The following CTNND2 variants were observed in gnomAD, a reference collection of about 807,000 sequenced individuals.
CTNND2 encodes catenin delta-2.
Under a neutral mutation model 144.4 loss-of-function variants are expected in CTNND2, and 22 were observed. The ratio of observed to expected loss-of-function variants is 0.15; its 90% CI spans 0.11 to 0.22. CTNND2 has a LOEUF of 0.22. Ranked by LOEUF, CTNND2 falls within the 10% of genes least tolerant of loss-of-function variation. CTNND2 has a pLI of 1.00. For synonymous variants in CTNND2, 751 were observed against 695.6 expected (o/e 1.08, Z -1.25); for missense variants, 1,353 against 1,618.8 (o/e 0.84, Z 2.82).
At chr5:11,152,898 G>A (rs1224089508) in intron 12 of CTNND2, among the ~76,000 whole-genome samples, 2 of 152,144 alleles carry the variant, frequency 1.3e-5, no homozygotes, top group East Asian at 1.9e-4. Flanking sequence ...GGTGGAGTGG[G>A]GTGAGTGGTG....
intron 3 of CTNND2, among the ~76,000 whole-genome samples, chr5:11,531,535 A>G (rs930870718): frequency 2.6e-5 from 4 of 152,164 alleles, no homozygotes; most frequent in Admixed American, 2.6e-4. Context: ...CTGAGGCAGA[A>G]TAATCACTTG....
intron 2 of CTNND2, among the ~76,000 whole-genome samples, chr5:11,636,076 T>A (rs1305547942): frequency 8.2e-6 from 1 of 121,668 alleles, no homozygotes; most frequent in Non-Finnish European, 1.6e-5. Flanking sequence ...GTAACTTGAA[T>A]GGAATTTTAG....
At chr5:11,717,358 G>C (rs376642098) in intron 2 of CTNND2, among the ~76,000 whole-genome samples, 9 of 151,444 alleles carry the variant, frequency 5.9e-5, no homozygotes, top group South Asian at 2.1e-4. Flanking sequence ...TGGATCACCT[G>C]AAGTCAAGAC....
Position 11,892,141 on chromosome 5 carries a change from G to A in CTNND2, c.37+11676C>T, listed in dbSNP as rs180708701. ...CCTTACATTGTGTCTATATTTTTAA[G>A]CCCAGAATGCACATGCAGCTTAGCT... On this transcript the variant is annotated intron_variant, in intron 1 of 21. Coordinates refer to ENST00000304623, the MANE Select transcript of CTNND2 (RefSeq NM_001332.4). Among the ~76,000 whole-genome samples the A allele has an allele frequency of 6.6e-3, 1,009 of 152,256 alleles. 12 individuals are homozygous for A. The highest frequency in any genetic ancestry group is 0.023 in the African/African-American group (964 of 41,538).
At chr5:11,407,085 C>T (rs530475090) in intron 5 of CTNND2, among the ~76,000 whole-genome samples, 2 of 152,086 alleles carry the variant, frequency 1.3e-5, no homozygotes, top group Non-Finnish European at 2.9e-5. Context: ...GATATAATCA[C>T]CTTTATTTCT....
Position 11,793,436 on chromosome 5 carries a change from C to T in CTNND2, c.38-61164G>A, listed in dbSNP as rs530474935. Among the ~76,000 whole-genome samples, 89 of 152,252 alleles carry T rather than the reference C, an allele frequency of 5.8e-4. 1 individual carries two copies. The highest frequency in any genetic ancestry group is 3.4e-3 in the Middle Eastern group (1 of 294). Reference sequence around the variant, plus strand: ...TAACCCCCAATACCTCAGAATGTGACCCTATTTGGAAATAGGATTGTTGCA... The same window carrying T: ...TAACCCCCAATACCTCAGAATGTGATCCTATTTGGAAATAGGATTGTTGCA... On this transcript the variant is annotated intron_variant, in intron 1 of 21. Coordinates refer to ENST00000304623, the MANE Select transcript of CTNND2 (RefSeq NM_001332.4).
chr5:11,013,166 G>A (rs774001773), intron 18 of CTNND2, among the ~76,000 whole-genome samples: 22 of 152,248 alleles, frequency 1.4e-4, no homozygotes, highest in South Asian at 8.3e-4. Context: ...GCCCACAGAG[G>A]AATCCGTAAG....
intron 1 of CTNND2, among the ~76,000 whole-genome samples, chr5:11,771,894 T>C (rs1789964629): frequency 6.6e-6 from 1 of 152,198 alleles, no homozygotes; most frequent in Non-Finnish European, 1.5e-5. Context: ...CTGAAAATGT[T>C]CACTCTGGGT....
intron 9 of CTNND2, among the ~76,000 whole-genome samples, chr5:11,314,354 A>C (rs1322826899): frequency 6.6e-6 from 1 of 152,048 alleles, no homozygotes; most frequent in Non-Finnish European, 1.5e-5. Context: ...GGACCCTAAA[A>C]GTCTTCTTCC....
chr5:11,825,568 A>C (rs1581959221), intron 1 of CTNND2, among the ~76,000 whole-genome samples: 1 of 152,150 alleles, frequency 6.6e-6, no homozygotes, highest in Admixed American at 6.5e-5. Flanking sequence ...TAAATCAAGA[A>C]GAGACAACAA....
chr5:11,174,927 C>T (rs908661932), intron 11 of CTNND2, among the ~76,000 whole-genome samples: 6 of 152,154 alleles, frequency 3.9e-5, no homozygotes, highest in African/African-American at 9.7e-5. Flanking sequence ...GGTAAAATTA[C>T]AAAACTGATA....
chr5:11,207,454 T>C (rs1234742056), intron 10 of CTNND2, among the ~76,000 whole-genome samples: 1 of 152,126 alleles, frequency 6.6e-6, no homozygotes, highest in Non-Finnish European at 1.5e-5. Flanking sequence ...TACATATAGT[T>C]AGTACCATAC....
At chr5:10,992,209 C>T (rs531229853) in intron 19 of CTNND2, among the ~76,000 whole-genome samples, 2 of 152,226 alleles carry the variant, frequency 1.3e-5, no homozygotes, top group Admixed American at 6.5e-5. Flanking sequence ...TGAGCCACCT[C>T]GCCAGGCCAA....
intron 9 of CTNND2, among the ~76,000 whole-genome samples, chr5:11,306,072 G>T (rs1750167912): frequency 6.6e-6 from 1 of 152,232 alleles, no homozygotes; most frequent in Admixed American, 6.5e-5. Context: ...AGACAGTGAA[G>T]AATGTGAGCA....
intron 1 of CTNND2, among the ~76,000 whole-genome samples, chr5:11,875,449 G>A (rs952268147): frequency 1.3e-5 from 2 of 152,180 alleles, no homozygotes; most frequent in African/African-American, 2.4e-5. Context: ...ATAATGGACT[G>A]AATCTTTGTG....
At chr5:11,844,898 G>C (rs910383855) in intron 1 of CTNND2, among the ~76,000 whole-genome samples, 3 of 152,198 alleles carry the variant, frequency 2.0e-5, no homozygotes, top group Admixed American at 6.5e-5. Context: ...ATACATAAAG[G>C]TAGGAAGGTG....
intron 9 of CTNND2, among the ~76,000 whole-genome samples, chr5:11,271,243 C>A (rs1745978027): frequency 6.6e-6 from 1 of 152,124 alleles, no homozygotes; most frequent in South Asian, 2.1e-4. Context: ...ACGTATTTTA[C>A]CACCCACTAA....
intron 9 of CTNND2, among the ~76,000 whole-genome samples, chr5:11,323,074 TCTTGCCCCGG>T (rs940390636): frequency 6.6e-6 from 1 of 152,180 alleles, no homozygotes; most frequent in African/African-American, 2.4e-5. Flanking sequence ...GATCTTGCTG[TCTTGCCCCGG>T]CTTGAGTACT....
At chr5:11,532,609 T>C (rs1773846372) in intron 3 of CTNND2, among the ~76,000 whole-genome samples, 1 of 152,144 alleles carries the variant, frequency 6.6e-6, no homozygotes, top group African/African-American at 2.4e-5. Context: ...ATCGGGCAAC[T>C]CACCAACTAA....
Sources: allele counts gnomAD v4.1 joint callset (sites outside exome capture counted in the v4.1 genomes callset), GRCh38; gene constraint gnomAD v4.1.1; transcripts MANE v1.5; gene names NCBI Gene and HGNC (gene_info 2026-07-23, HGNC 2026-07-21).